The following ABTB3 variants were observed in gnomAD, a reference collection of about 807,000 sequenced individuals.
ABTB3 encodes the protein ankyrin repeat- and BTB/POZ domain-containing protein 3.
chr12:107,441,093 G>A, the ABTB3 span, among the ~76,000 whole-genome samples: 1 of 152,136 alleles, frequency 6.6e-6, no homozygotes, highest in Non-Finnish European at 1.5e-5. Flanking sequence ...TGGGGTTGGT[G>A]GGCCTGTGAT....
chr12:107,406,516 T>C, the ABTB3 span, among the ~76,000 whole-genome samples: 1 of 152,064 alleles, frequency 6.6e-6, no homozygotes, highest in Admixed American at 6.5e-5. Context: ...GTCTGGTTGC[T>C]GTTGAGCCCA....
the ABTB3 span, among the ~76,000 whole-genome samples, chr12:107,653,018 C>T: frequency 6.6e-6 from 1 of 152,190 alleles, no homozygotes; most frequent in East Asian, 1.9e-4. Context: ...AAGCAATTCT[C>T]CTGCCTCAGC....
the ABTB3 span, among the ~76,000 whole-genome samples, chr12:107,415,759 C>A: frequency 3.4e-5 from 5 of 147,614 alleles, no homozygotes; most frequent in Non-Finnish European, 7.4e-5. Context: ...CATACTGAGA[C>A]TCAGAGGGAT....
chr12:107,616,463 G>A, the ABTB3 span, among the ~76,000 whole-genome samples: 3 of 152,236 alleles, frequency 2.0e-5, no homozygotes, highest in African/African-American at 7.2e-5. Flanking sequence ...TCTTTAGGAA[G>A]CCCAGCTATC....
the ABTB3 span, among the ~76,000 whole-genome samples, chr12:107,568,729 T>C: frequency 6.0e-4 from 92 of 152,338 alleles, no homozygotes; most frequent in Non-Finnish European, 1.1e-3. Flanking sequence ...TTTATATTAA[T>C]ATTTTTGTTA....
chr12:107,482,463 T>C, the ABTB3 span, among the ~76,000 whole-genome samples: 1 of 152,080 alleles, frequency 6.6e-6, no homozygotes, highest in South Asian at 2.1e-4. Flanking sequence ...GGGAAGGGAA[T>C]AGGAGCAGGT....
At chr12:107,566,867 C>G in the ABTB3 span, among the ~76,000 whole-genome samples, 1 of 152,256 alleles carries the variant, frequency 6.6e-6, no homozygotes, top group Non-Finnish European at 1.5e-5. Context: ...AATTCCAACA[C>G]TTTGTGGGGC....
chr12:107,471,727 A>G, the ABTB3 span, among the ~76,000 whole-genome samples: 1 of 152,138 alleles, frequency 6.6e-6, no homozygotes. Context: ...TGTCCTCTCT[A>G]TGAAACAGGA....
chr12:107,363,391 C>T, the ABTB3 span, among the ~76,000 whole-genome samples: 1 of 152,188 alleles, frequency 6.6e-6, no homozygotes, highest in East Asian at 1.9e-4. Context: ...ATTGCAGTGC[C>T]TCATTAAGGA....
chr12:107,347,571 C>T, the ABTB3 span, among the ~76,000 whole-genome samples: 2 of 152,132 alleles, frequency 1.3e-5, no homozygotes, highest in African/African-American at 2.4e-5. Context: ...GGTCTCTCCA[C>T]AGGGCCTGGG....
the ABTB3 span, among the ~76,000 whole-genome samples, chr12:107,324,476 T>TAAATA: frequency 5.7e-4 from 86 of 152,172 alleles, no homozygotes; most frequent in Admixed American, 1.8e-3. Context: ...AAAAAATAAA[T>TAAATA]AAATAAAATA....
the ABTB3 span, chr12:107,635,198 C>T: frequency 1.3e-5 from 15 of 1,182,506 alleles, no homozygotes; most frequent in South Asian, 1.9e-4. Flanking sequence ...GAGCTCTTAT[C>T]ACCTGGAGGG....
chr12:107,570,093 C>A, the ABTB3 span, among the ~76,000 whole-genome samples: 2 of 152,220 alleles, frequency 1.3e-5, no homozygotes, highest in African/African-American at 4.8e-5. Flanking sequence ...AATCTTCATG[C>A]TGGATGGTCA....
chr12:107,415,046 T>C, the ABTB3 span, among the ~76,000 whole-genome samples: 1 of 152,120 alleles, frequency 6.6e-6, no homozygotes, highest in African/African-American at 2.4e-5. Flanking sequence ...CAGACTACAC[T>C]CCCACCTCAC....
chr12:107,368,249 G>A, the ABTB3 span, among the ~76,000 whole-genome samples: 1 of 152,330 alleles, frequency 6.6e-6, no homozygotes, highest in African/African-American at 2.4e-5. Context: ...AGATGAGCAA[G>A]TAGCAAATCA....
the ABTB3 span, among the ~76,000 whole-genome samples, chr12:107,369,960 A>G: frequency 5.1e-3 from 771 of 152,102 alleles, 3 homozygotes; most frequent in African/African-American, 0.013. Context: ...CGTGAACTTG[A>G]ACTACTCCCT....
At chr12:107,392,747 G>A in the ABTB3 span, among the ~76,000 whole-genome samples, 1 of 152,236 alleles carries the variant, frequency 6.6e-6, no homozygotes, top group Non-Finnish European at 1.5e-5. Flanking sequence ...TGTGAGGTGG[G>A]AAATCACATC....
chr12:107,413,891 T>C, the ABTB3 span, among the ~76,000 whole-genome samples: 3 of 152,246 alleles, frequency 2.0e-5, no homozygotes, highest in African/African-American at 7.2e-5. Flanking sequence ...ATTGGCTTTT[T>C]AAATTGCAGA....
At chr12:107,566,680 C>CACACACACACACACAA in the ABTB3 span, among the ~76,000 whole-genome samples, 569 of 151,464 alleles carry the variant, frequency 3.8e-3, 4 homozygotes, top group African/African-American at 0.013. Context: ...CACACACACA[C>CACACACACACACACAA]ACACAAACAT....
Sources: allele counts gnomAD v4.1 joint callset (sites outside exome capture counted in the v4.1 genomes callset), GRCh38; gene constraint gnomAD v4.1.1; transcripts MANE v1.5; gene names NCBI Gene and HGNC (gene_info 2026-07-23, HGNC 2026-07-21).